The following SORCS2 variants were observed in gnomAD, a reference collection of about 807,000 sequenced individuals.
SORCS2 encodes sortilin related VPS10 domain containing receptor 2.
A neutral mutation model predicts 141.6 loss-of-function variants in SORCS2; 100 were observed. The observed-to-expected ratio is 0.71, with a 90% confidence interval of 0.60 to 0.83. The LOEUF is 0.83. Among genes scored for constraint, SORCS2 ranks in the 40% least tolerant of loss-of-function variants. SORCS2 has a pLI of 0.00. For missense variants in SORCS2, 1,646 were observed against 1,560.2 expected, an observed-to-expected ratio of 1.05 and a Z score of -0.93; for synonymous variants, 789 against 676.9, an observed-to-expected ratio of 1.17 and a Z score of -2.57.
chr4:7,701,329 C>T (rs1297375981), intron 12 of SORCS2, among the ~76,000 whole-genome samples: 2 of 152,150 alleles, frequency 1.3e-5, no homozygotes, highest in African/African-American at 4.8e-5. Flanking sequence ...CACCCTCCAT[C>T]ATTTTTCATA....
intron 2 of SORCS2, among the ~76,000 whole-genome samples, chr4:7,517,028 G>A (rs28540072): frequency 0.04 from 6,067 of 152,194 alleles, 248 homozygotes; most frequent in African/African-American, 0.11. Flanking sequence ...ACGAGCTAAC[G>A]CGTCCAGCAT....
At chr4:7,373,585 C>T (rs1380221655) in intron 1 of SORCS2, among the ~76,000 whole-genome samples, 3 of 147,434 alleles carry the variant, frequency 2.0e-5, no homozygotes, top group Non-Finnish European at 4.4e-5. Context: ...CTCCACCTCC[C>T]AGGTTCAAGT....
At chr4:7,427,938 A>C (rs1726570052) in intron 2 of SORCS2, among the ~76,000 whole-genome samples, 1 of 148,008 alleles carries the variant, frequency 6.8e-6, no homozygotes, top group African/African-American at 2.5e-5. Flanking sequence ...CCATATCACC[A>C]CCCCTGAGGG....
intron 3 of SORCS2, among the ~76,000 whole-genome samples, chr4:7,618,099 T>G (rs1718888903): frequency 6.6e-6 from 1 of 151,688 alleles, no homozygotes; most frequent in African/African-American, 2.4e-5. Flanking sequence ...CCTCGGAGGG[T>G]GGACAGGCAT....
chr4:7,263,036 C>T (rs1006451256), intron 1 of SORCS2, among the ~76,000 whole-genome samples: 1 of 152,138 alleles, frequency 6.6e-6, no homozygotes, highest in Non-Finnish European at 1.5e-5. Flanking sequence ...TGCTTCCCGA[C>T]TGCTGCAGAG....
chr4:7,552,371 G>C (rs1175847153), intron 3 of SORCS2, among the ~76,000 whole-genome samples: 1 of 152,166 alleles, frequency 6.6e-6, no homozygotes, highest in Non-Finnish European at 1.5e-5. Context: ...AGGGCAAAGA[G>C]GGTGGCTTGG....
At chr4:7,658,118 G>A (rs757663437) in intron 5 of SORCS2, among the ~76,000 whole-genome samples, 15 of 148,656 alleles carry the variant, frequency 1.0e-4, no homozygotes, top group Non-Finnish European at 2.1e-4. Flanking sequence ...TGAGTGAGTC[G>A]GTGATTGAGT....
intron 1 of SORCS2, among the ~76,000 whole-genome samples, chr4:7,267,560 G>A (rs945112791): frequency 3.9e-5 from 6 of 152,206 alleles, no homozygotes; most frequent in African/African-American, 9.7e-5. Flanking sequence ...GCCAGGCACC[G>A]TGGCTCATGT....
intron 1 of SORCS2, among the ~76,000 whole-genome samples, chr4:7,345,881 G>T (rs566425605): frequency 3.9e-5 from 6 of 152,090 alleles, no homozygotes; most frequent in Non-Finnish European, 7.4e-5. Flanking sequence ...CCCTCCGGTG[G>T]GTACCTGCCC....
intron 2 of SORCS2, among the ~76,000 whole-genome samples, chr4:7,479,673 C>T (rs934437199): frequency 7.4e-5 from 11 of 149,426 alleles, no homozygotes; most frequent in Non-Finnish European, 1.5e-4. Flanking sequence ...ATCGGGGGGC[C>T]GTGTCCCTCT....
rs145885449 is a variant in SORCS2 at position 7,587,720 on chromosome 4, C to T, written c.649-50608C>T. On this transcript the variant is annotated intron_variant, in intron 3 of 26. Transcript: ENST00000507866. ...GGCTGGGCCCAGGCGTGTCTGCCCACCTCCCGTCACTTTAAATATGTAAAC... is the reference window on the plus strand; with the variant it reads ...GGCTGGGCCCAGGCGTGTCTGCCCATCTCCCGTCACTTTAAATATGTAAAC... 1.2e-3 allele frequency among the ~76,000 whole-genome samples: 184 copies of T among 152,278 alleles called. 6 individuals carry two copies. The East Asian group carries it at 0.032, about 27-fold the overall frequency.
chr4:7,350,290 GT>G (rs1720863038), intron 1 of SORCS2, among the ~76,000 whole-genome samples: 1 of 152,252 alleles, frequency 6.6e-6, no homozygotes. Flanking sequence ...TTAGGGGACA[GT>G]GTCAGCGTTC....
At chr4:7,667,275 G>A in intron 8 of SORCS2, 62 bp downstream of exon 8, 1 of 1,477,316 alleles carries the variant, frequency 6.8e-7, no homozygotes, top group Non-Finnish European at 9.4e-7. Context: ...CTGACTCATG[G>A]GGCAACAGGA....
intron 1 of SORCS2, among the ~76,000 whole-genome samples, chr4:7,358,253 C>T (rs761248531): frequency 2.6e-4 from 40 of 152,192 alleles, no homozygotes; most frequent in Non-Finnish European, 4.7e-4. Context: ...TGGCCATTTG[C>T]GGGGCACCTG....
chr4:7,559,218 G>A (rs529749309), intron 3 of SORCS2, among the ~76,000 whole-genome samples: 13 of 152,260 alleles, frequency 8.5e-5, no homozygotes, highest in South Asian at 2.1e-4. Flanking sequence ...TGTGGCCCCC[G>A]TGCCCGCAGT....
At chr4:7,307,425 G>T (rs1252023380) in intron 1 of SORCS2, among the ~76,000 whole-genome samples, 2 of 152,254 alleles carry the variant, frequency 1.3e-5, no homozygotes, top group Non-Finnish European at 2.9e-5. Context: ...GTCCATCCAG[G>T]CCAGGGTCCA....
At chr4:7,382,114 G>C (rs956517068) in intron 1 of SORCS2, 1 of 433,832 alleles carries the variant, frequency 2.3e-6, no homozygotes, top group African/African-American at 2.1e-5. Flanking sequence ...GGTGGGTGGT[G>C]CTGCTGGTGG....
chr4:7,396,071 A>G (rs188789501), intron 1 of SORCS2, among the ~76,000 whole-genome samples: 125 of 152,364 alleles, frequency 8.2e-4, no homozygotes, highest in Non-Finnish European at 1.5e-3. Context: ...GTCATTCTGC[A>G]GAGCACAAGC....
At chr4:7,722,460 C>G (rs1411778289) in intron 18 of SORCS2, among the ~76,000 whole-genome samples, 4 of 152,152 alleles carry the variant, frequency 2.6e-5, no homozygotes, top group Middle Eastern at 3.2e-3. Flanking sequence ...TGCCGGGTGG[C>G]CTGAACCCAC....
Sources: allele counts gnomAD v4.1 joint callset (sites outside exome capture counted in the v4.1 genomes callset), GRCh38; gene constraint gnomAD v4.1.1; transcripts MANE v1.5; gene names NCBI Gene and HGNC (gene_info 2026-07-23, HGNC 2026-07-21).